The following CNTNAP2 variants were observed in gnomAD, a reference collection of about 807,000 sequenced individuals.
The protein encoded by CNTNAP2 is contactin associated protein 2.
CNTNAP2 carries 98 observed loss-of-function variants against 155.2 expected under a neutral mutation model. The observed-to-expected ratio is 0.63, with a 90% CI of 0.54 to 0.75. The LOEUF is 0.75. Among genes scored for constraint, CNTNAP2 ranks in the 30% least tolerant of loss-of-function variants. CNTNAP2 has a pLI of 0.00. For missense variants in CNTNAP2, 1,727 were observed against 1,688.1 expected, an observed-to-expected ratio of 1.02 and a Z score of -0.40; for synonymous variants, 651 against 631.2, an observed-to-expected ratio of 1.03 and a Z score of -0.47.
At chr7:146,911,086 C>A (rs1168790167) in intron 3 of CNTNAP2, among the ~76,000 whole-genome samples, 1 of 152,020 alleles carries the variant, frequency 6.6e-6, no homozygotes, top group Non-Finnish European at 1.5e-5. Context: ...CAGAGAAATG[C>A]AAATCAAAAC....
intron 21 of CNTNAP2, among the ~76,000 whole-genome samples, chr7:148,343,740 CAA>C (rs1798274661): frequency 6.6e-6 from 1 of 152,158 alleles, no homozygotes; most frequent in Non-Finnish European, 1.5e-5. Flanking sequence ...GGATGATTGA[CAA>C]AATTCTGGAC....
chr7:146,564,290 T>C (rs1031031440), intron 1 of CNTNAP2, among the ~76,000 whole-genome samples: 3 of 152,172 alleles, frequency 2.0e-5, no homozygotes, highest in East Asian at 1.9e-4. Context: ...AGACCTGTGG[T>C]TGAAGTCCTG....
chr7:146,881,839 G>C (rs139032764), intron 3 of CNTNAP2, among the ~76,000 whole-genome samples: 27 of 150,642 alleles, frequency 1.8e-4, no homozygotes, highest in African/African-American at 6.3e-4. Flanking sequence ...AGAGTCAGGG[G>C]ATACATATGC....
intron 13 of CNTNAP2, among the ~76,000 whole-genome samples, chr7:147,661,289 T>A (rs1795604584): frequency 6.6e-6 from 1 of 152,214 alleles, no homozygotes; most frequent in African/African-American, 2.4e-5. Context: ...CTAAAATTCT[T>A]GAATTTTAAT....
intron 14 of CNTNAP2, among the ~76,000 whole-genome samples, chr7:147,919,033 G>A (rs1029966579): frequency 6.6e-6 from 1 of 152,040 alleles, no homozygotes; most frequent in Admixed American, 6.6e-5. Flanking sequence ...ACCCTTTCCT[G>A]GCTGTGATCA....
chr7:146,698,198 T>A (rs2533101), intron 1 of CNTNAP2, among the ~76,000 whole-genome samples: 19,320 of 152,096 alleles, frequency 0.13, 3,167 homozygotes, highest in African/African-American at 0.38. Context: ...AATTTTATGT[T>A]GTATCCTCTA....
intron 3 of CNTNAP2, among the ~76,000 whole-genome samples, chr7:146,974,751 C>A (rs1299518153): frequency 2.0e-5 from 3 of 152,050 alleles, no homozygotes; most frequent in African/African-American, 4.8e-5. Context: ...GTAATCCCAG[C>A]ATTTTGGGAG....
intron 12 of CNTNAP2, among the ~76,000 whole-genome samples, chr7:147,619,036 T>C (rs1450107994): frequency 6.6e-6 from 1 of 152,168 alleles, no homozygotes; most frequent in Non-Finnish European, 1.5e-5. Context: ...GCCCAGTGTT[T>C]CAAATATACC....
intron 11 of CNTNAP2, among the ~76,000 whole-genome samples, chr7:147,490,617 C>T (rs1798591297): frequency 1.3e-5 from 2 of 152,156 alleles, no homozygotes; most frequent in African/African-American, 4.8e-5. Flanking sequence ...AACTTGGTGT[C>T]TCTGTCCATT....
chr7:147,195,143 A>G (rs560583964), intron 8 of CNTNAP2, among the ~76,000 whole-genome samples: 1 of 152,278 alleles, frequency 6.6e-6, no homozygotes, highest in African/African-American at 2.4e-5. Flanking sequence ...GCATACAGCT[A>G]GCCGGTTTTC....
chr7:148,057,669 T>C (rs977814627), intron 15 of CNTNAP2, among the ~76,000 whole-genome samples: 1 of 152,238 alleles, frequency 6.6e-6, no homozygotes, highest in Admixed American at 6.5e-5. Context: ...CTGTACCTCC[T>C]ACCCTCAGTT....
chr7:148,083,223 G>T (rs1003481160), intron 15 of CNTNAP2, among the ~76,000 whole-genome samples: 2 of 152,140 alleles, frequency 1.3e-5, no homozygotes, highest in African/African-American at 4.8e-5. Context: ...AAGCAACATA[G>T]GAAGACGCTC....
chr7:146,422,520 A>G, intron 1 of CNTNAP2, among the ~76,000 whole-genome samples: 1 of 151,608 alleles, frequency 6.6e-6, no homozygotes, highest in East Asian at 1.9e-4. Flanking sequence ...GACATTTTTC[A>G]TCTCTATTTG....
chr7:146,484,844 A>C (rs1797030116), intron 1 of CNTNAP2, among the ~76,000 whole-genome samples: 1 of 152,170 alleles, frequency 6.6e-6, no homozygotes, highest in Admixed American at 6.5e-5. Context: ...TCTTTCCTCC[A>C]ACCCTTACAT....
intron 18 of CNTNAP2, among the ~76,000 whole-genome samples, chr7:148,184,264 C>G (rs563982569): frequency 2.0e-5 from 3 of 152,072 alleles, no homozygotes; most frequent in African/African-American, 7.2e-5. Flanking sequence ...GACCCCATCT[C>G]TATAAAAAAA....
At chr7:147,061,172 A>G (rs533796193) in intron 4 of CNTNAP2, among the ~76,000 whole-genome samples, 176 of 152,270 alleles carry the variant, frequency 1.2e-3, no homozygotes, top group African/African-American at 4.1e-3. Flanking sequence ...GTTGAGCAAG[A>G]TGAATAAATT....
chr7:146,744,862 C>G (rs1801782905), intron 1 of CNTNAP2, among the ~76,000 whole-genome samples: 1 of 152,166 alleles, frequency 6.6e-6, no homozygotes, highest in Non-Finnish European at 1.5e-5. Flanking sequence ...TTCCTACTTT[C>G]TCTACCTTCA....
At chr7:148,006,661 CTG>C (rs1012043483) in intron 15 of CNTNAP2, among the ~76,000 whole-genome samples, 2 of 145,480 alleles carry the variant, frequency 1.4e-5, no homozygotes, top group African/African-American at 5.0e-5. Context: ...AAAAAAAAAA[CTG>C]AGTTAGGCTT....
chr7:147,279,874 G>A (rs750099689), intron 8 of CNTNAP2, among the ~76,000 whole-genome samples: 1 of 151,834 alleles, frequency 6.6e-6, no homozygotes, highest in Non-Finnish European at 1.5e-5. Flanking sequence ...GCTAAGTAGG[G>A]ATTTATTAGG....
Sources: gnomAD v4.1 joint callset for allele counts (sites outside exome capture counted in the v4.1 genomes callset) on GRCh38, gnomAD v4.1.1 for gene constraint, MANE v1.5 for transcripts, NCBI Gene and HGNC (gene_info 2026-07-23, HGNC 2026-07-21) for gene names.